Variants in FAM204A observed in about 807,000 individuals in gnomAD.
The protein encoded by FAM204A is protein FAM204A.
FAM204A carries 16 observed loss-of-function variants against 35.4 expected under a neutral mutation model. That is an observed-to-expected ratio of 0.45 (90% CI 0.31 to 0.69). The LOEUF is 0.69. FAM204A is among the 30% of genes least tolerant of loss of function. The pLI, the probability that FAM204A is intolerant of heterozygous loss-of-function variation, is 0.07. For missense variants in FAM204A, 240 were observed against 265.7 expected, an observed-to-expected ratio of 0.90 and a Z score of 0.67; for synonymous variants, 76 against 86.9, an observed-to-expected ratio of 0.88 and a Z score of 0.70.
intron 7 of FAM204A, among the ~76,000 whole-genome samples, chr10:118,314,780 T>C (rs2133267890): frequency 6.6e-6 from 1 of 152,314 alleles, no homozygotes; most frequent in Non-Finnish European, 1.5e-5. Context: ...TTCTTGTATG[T>C]GTAGCCAAAG....
intron 6 of FAM204A, among the ~76,000 whole-genome samples, chr10:118,334,739 C>T (rs773834914): frequency 1.3e-5 from 2 of 152,194 alleles, no homozygotes; most frequent in Non-Finnish European, 2.9e-5. Flanking sequence ...CCAGGCTGGC[C>T]TTCCTACAGT....
In FAM204A at chr10:118,332,483, T is replaced by A. The variant is rs1166593589; in HGVS notation, c.453+2631A>T. ...CTCACCACACCCCTAAACCTCCCTC[T>A]CCTATACCTCCTCCCTCCACATCCC... On this transcript the variant is annotated intron_variant, in intron 6 of 8. Coordinates refer to ENST00000369183, the MANE Select transcript of FAM204A (RefSeq NM_022063.3). Among the ~76,000 whole-genome samples the A allele has an allele frequency of 2.0e-5, 3 of 148,770 alleles. No individual in the cohort carries two copies. In the East Asian group the frequency reaches 6.0e-4, roughly 30 times the overall value.
At chr10:118,325,107 C>G (rs703439) in intron 7 of FAM204A, among the ~76,000 whole-genome samples, 151,476 of 152,252 alleles carry the variant, frequency 0.99, 75,355 homozygotes, top group Middle Eastern at 1. Flanking sequence ...TCCCCTTTCT[C>G]AACTTGTTTT....
intron 2 of FAM204A, 25 bp from the exon 3 acceptor site, chr10:118,336,448 A>G (rs1846389212): frequency 6.4e-7 from 1 of 1,566,500 alleles, no homozygotes; most frequent in African/African-American, 1.4e-5. Flanking sequence ...ATTAATTTAC[A>G]CATGTAGAAT....
intron 2 of FAM204A, among the ~76,000 whole-genome samples, chr10:118,340,855 A>T (rs1846466688): frequency 7.5e-6 from 1 of 133,154 alleles, no homozygotes; most frequent in African/African-American, 2.8e-5. Context: ...TACAGATGGG[A>T]TAACTGACTT....
At chr10:118,322,481 G>A (rs1252723872) in intron 7 of FAM204A, 1 of 431,170 alleles carries the variant, frequency 2.3e-6, no homozygotes, top group East Asian at 7.2e-5. Context: ...TAAGGGACAT[G>A]CTACAAAGTA....
At position 118,299,262 on chromosome 10, in the gene FAM204A, A is replaced by G. The variant is rs2119753148; in HGVS notation, c.*11595T>C. The G allele has an allele frequency of 6.7e-6, 1 of 150,084 alleles. No individual in the cohort carries two copies. Among genetic ancestry groups the G allele is most frequent in the Non-Finnish European group, 1.5e-5 (1 of 67,772 alleles). 9.3% of individuals were successfully genotyped at this position (150,084 alleles called of 1,614,324 possible). A position where few individuals can be genotyped will look rare whatever the true frequency, so the allele number is the denominator to read the frequency against. ...CTTAAGTGTTTTCATACCACTCTCC[A>G]TTTCCTGCTTTGAGCTGCCCTTCCT... On this transcript the variant is annotated 3_prime_UTR_variant, in exon 9 of 9. Coordinates refer to ENST00000369183, the MANE Select transcript of FAM204A (RefSeq NM_022063.3).
At chr10:118,314,587 T>C (rs529245767) in intron 7 of FAM204A, among the ~76,000 whole-genome samples, 5 of 152,004 alleles carry the variant, frequency 3.3e-5, no homozygotes, top group Non-Finnish European at 7.4e-5. Flanking sequence ...ACAAATAAAA[T>C]AGGCCGAAAA....
chr10:118,335,151 C>T lies in FAM204A; in HGVS notation c.416G>A (p.Arg139Lys). 1 of 1,613,456 alleles carries T rather than the reference C, an allele frequency of 6.2e-7. No homozygotes were observed. The highest frequency in any genetic ancestry group is 8.5e-7 in the Non-Finnish European group (1 of 1,179,728). Residue 139 changes from arginine to lysine, a missense_variant, in exon 6 of 9, where the codon AGA becomes AAA. Physicochemically the swap from Arg to Lys is conservative, Grantham distance 26. Around this residue, in one of 2 missense-constraint regions of FAM204A, gnomAD observed 232 missense variants for 242.8 expected, o/e 0.96. Coordinates refer to ENST00000369183, the MANE Select transcript of FAM204A (RefSeq NM_022063.3). The stretch of plus-strand genomic sequence containing the variant: ...TTTCCTTTTAACAGGCGGGTCAAAT[C>T]TATCATTGACTCCAAAATACTGAGT... The part of the protein sequence containing the change: ...ELTQYFGVND[R>K]FDPPVKRKKV...
Position 118,335,630 on chromosome 10 carries a change from T to C in FAM204A, c.246A>G (p.Glu82=), listed in dbSNP as rs376534449. The change falls in exon 4 of 9, where the codon GAA becomes GAG. Residue 82 remains glutamate (E), a synonymous_variant. Transcript: ENST00000369183. ...TCTGTTCAGAATGTTTTTTATGCAA[T>C]TCTTGAAATTTCTATGTAAAAGAAA... ...IPIDMWNKFQ[E]LHKKHSEQKS... The C allele has an allele frequency of 4.6e-5, 73 of 1,602,072 alleles. No individual in the cohort carries two copies. In the Middle Eastern group the frequency reaches 1.8e-3, roughly 41 times the overall value.
At chr10:118,324,259 C>G (rs1338037723) in intron 7 of FAM204A, among the ~76,000 whole-genome samples, 1 of 151,942 alleles carries the variant, frequency 6.6e-6, no homozygotes, top group African/African-American at 2.4e-5. Context: ...CTGTATCTTA[C>G]AAGAAAAAAA....
rs1007543100 is a variant in FAM204A at position 118,305,482 on chromosome 10, T to A, written c.*5375A>T. ...AGGGCATCAATCCCACCCACTCTGA[T>A]GTGAGCAAGTATGGATCAGTCACTA... On this transcript the variant is annotated 3_prime_UTR_variant, in exon 9 of 9. Coordinates refer to ENST00000369183, the MANE Select transcript of FAM204A (RefSeq NM_022063.3). 6.6e-6 allele frequency: 1 copy of A among 152,248 alleles called. No individual in the cohort carries two copies. Among genetic ancestry groups the A allele is most frequent in the Non-Finnish European group, 1.5e-5 (1 of 68,050 alleles). 9.4% of individuals were successfully genotyped at this position (152,248 alleles called of 1,614,324 possible). A position where few individuals can be genotyped will look rare whatever the true frequency, so the allele number is the denominator to read the frequency against.
intron 6 of FAM204A, among the ~76,000 whole-genome samples, chr10:118,331,709 A>C (rs1846290744): frequency 2.6e-5 from 4 of 152,032 alleles, no homozygotes; most frequent in Admixed American, 1.3e-4. Context: ...TTATCCATTG[A>C]AGTTTGCATT....
chr10:118,324,633 A>G (rs1317787470), intron 7 of FAM204A, among the ~76,000 whole-genome samples: 1 of 152,150 alleles, frequency 6.6e-6, no homozygotes, highest in African/African-American at 2.4e-5. Flanking sequence ...TGAGATACCC[A>G]TAGCAGTCAA....
chr10:118,333,002 C>A (rs1472455800), intron 6 of FAM204A, among the ~76,000 whole-genome samples: 1 of 152,130 alleles, frequency 6.6e-6, no homozygotes, highest in African/African-American at 2.4e-5. Flanking sequence ...GCCAGAAACA[C>A]AATTATAGCT....
Position 118,299,251 on chromosome 10 carries a change from T to C in FAM204A, c.*11606A>G, listed in dbSNP as rs978727411. On this transcript the variant is annotated 3_prime_UTR_variant, in exon 9 of 9. Transcript: ENST00000369183. ...GGGCAGTACTGCTTAAGTGTTTTCATACCACTCTCCATTTCCTGCTTTGAG... is the reference window on the plus strand; with the variant it reads ...GGGCAGTACTGCTTAAGTGTTTTCACACCACTCTCCATTTCCTGCTTTGAG... 1 of 152,184 alleles carries C rather than the reference T, an allele frequency of 6.6e-6. No individual in the cohort carries two copies. The highest frequency in any genetic ancestry group is 1.5e-5 in the Non-Finnish European group (1 of 68,056). 9.4% of individuals were successfully genotyped at this position (152,184 alleles called of 1,614,324 possible).
rs1445108545 is a variant in FAM204A at position 118,297,998 on chromosome 10, C to T, written c.*12859G>A. On this transcript the variant is annotated 3_prime_UTR_variant, in exon 9 of 9. Transcript: ENST00000369183. ...GACCAAGTAGTTATTATTGCCCTCC[C>T]TTACAGAACAATGACCCAAAAAATT... The T allele has an allele frequency of 6.6e-6, 1 of 152,204 alleles. No homozygotes were observed. Among genetic ancestry groups the T allele is most frequent in the Admixed American group, 6.5e-5 (1 of 15,286 alleles). 9.4% of individuals were successfully genotyped at this position (152,204 alleles called of 1,614,324 possible).
chr10:118,338,496 G>T (rs1332212757), intron 2 of FAM204A, among the ~76,000 whole-genome samples: 2 of 152,008 alleles, frequency 1.3e-5, no homozygotes, highest in African/African-American at 2.4e-5. Flanking sequence ...AGCATCACTG[G>T]AGTCTATGTT....
chr10:118,302,812 CAT>C lies in FAM204A; in HGVS notation c.*8043_*8044del, dbSNP rs1409727943. 6.6e-6 allele frequency: 1 copy of C among 152,260 alleles called. No homozygotes were observed. Among genetic ancestry groups the C allele is most frequent in the Non-Finnish European group, 1.5e-5 (1 of 68,046 alleles). 9.4% of individuals were successfully genotyped at this position (152,260 alleles called of 1,614,324 possible). The stretch of plus-strand genomic sequence containing the variant: ...TCCTTCCCTATGGTTTGTGATAAGA[CAT>C]GTGCAAGTTGCACTGACTTGCTTTC... On this transcript the variant is annotated 3_prime_UTR_variant, in exon 9 of 9. Transcript: ENST00000369183.
Sources: allele counts gnomAD v4.1 joint callset (sites outside exome capture counted in the v4.1 genomes callset), GRCh38; gene constraint gnomAD v4.1.1; regional missense constraint gnomAD v4.1.1; transcripts MANE v1.5; gene names NCBI Gene and HGNC (gene_info 2026-07-23, HGNC 2026-07-21).